Variants in DTNBP1 observed in about 807,000 individuals in gnomAD.
The protein encoded by DTNBP1 is dystrobrevin binding protein 1.
A neutral mutation model predicts 42.8 loss-of-function variants in DTNBP1; 35 were observed. That is an observed-to-expected ratio of 0.82 (90% CI 0.63 to 1.09). DTNBP1 has a LOEUF of 1.09. Among genes scored for constraint, DTNBP1 ranks in the 50% least tolerant of loss-of-function variants. The pLI, the probability that DTNBP1 is intolerant of heterozygous loss-of-function variation, is 0.00. For synonymous variants in DTNBP1, 171 were observed against 162.2 expected, an observed-to-expected ratio of 1.05 and a Z score of -0.41; for missense variants, 457 against 424.2, an observed-to-expected ratio of 1.08 and a Z score of -0.68.
At chr6:15,579,802 C>T (rs1220727884) in intron 7 of DTNBP1, 1 of 452,208 alleles carries the variant, frequency 2.2e-6, no homozygotes, top group Non-Finnish European at 4.4e-6. Flanking sequence ...AGTGAGACTC[C>T]CTCTCAAAAA....
chr6:15,569,610 C>T (rs1434461338), intron 7 of DTNBP1, among the ~76,000 whole-genome samples: 1 of 152,094 alleles, frequency 6.6e-6, no homozygotes, highest in East Asian at 1.9e-4. Flanking sequence ...AGTGACATGC[C>T]AGGCCTTAAG....
At chr6:15,630,957 G>C (rs536456329) in intron 4 of DTNBP1, among the ~76,000 whole-genome samples, 7 of 152,108 alleles carry the variant, frequency 4.6e-5, no homozygotes, top group Non-Finnish European at 1.0e-4. Context: ...AGTTACCTTT[G>C]ATCACAGTTG....
intron 6 of DTNBP1, among the ~76,000 whole-genome samples, chr6:15,606,942 G>A (rs769629307): frequency 5.9e-5 from 9 of 151,696 alleles, no homozygotes; most frequent in Non-Finnish European, 8.8e-5. Context: ...GTCACAGAAT[G>A]TTAATATGTG....
At chr6:15,638,838 C>CTT (rs34034677) in intron 3 of DTNBP1, among the ~76,000 whole-genome samples, 1 of 138,644 alleles carries the variant, frequency 7.2e-6, no homozygotes, top group Non-Finnish European at 1.6e-5. Flanking sequence ...TTGGCCAGTA[C>CTT]TTTTTTTTTT....
chr6:15,552,800 A>G (rs2113424588), intron 7 of DTNBP1, among the ~76,000 whole-genome samples: 1 of 152,368 alleles, frequency 6.6e-6, no homozygotes, highest in East Asian at 1.9e-4. Flanking sequence ...GATATTCCTT[A>G]GGATGAAGAT....
chr6:15,544,117 G>T (rs2113370251), intron 7 of DTNBP1, among the ~76,000 whole-genome samples: 1 of 152,200 alleles, frequency 6.6e-6, no homozygotes, highest in Non-Finnish European at 1.5e-5. Flanking sequence ...CACTCAGCTG[G>T]ACTCCAAATC....
chr6:15,574,687 T>G (rs1369340897), intron 7 of DTNBP1, among the ~76,000 whole-genome samples: 1 of 152,178 alleles, frequency 6.6e-6, no homozygotes, highest in Non-Finnish European at 1.5e-5. Flanking sequence ...AAAAAACTTT[T>G]GTGGGGGAGG....
chr6:15,633,296 T>C (rs2113756717), intron 4 of DTNBP1, among the ~76,000 whole-genome samples: 1 of 152,336 alleles, frequency 6.6e-6, no homozygotes, highest in African/African-American at 2.4e-5. Flanking sequence ...ATAGCTGCCA[T>C]AGATAGAAGT....
chr6:15,561,031 G>T (rs567680759), intron 7 of DTNBP1, among the ~76,000 whole-genome samples: 1 of 152,180 alleles, frequency 6.6e-6, no homozygotes, highest in Non-Finnish European at 1.5e-5. Context: ...AAAAATGGGA[G>T]ACTGGAGAGA....
At chr6:15,570,228 C>T (rs549771710) in intron 7 of DTNBP1, among the ~76,000 whole-genome samples, 7 of 151,874 alleles carry the variant, frequency 4.6e-5, no homozygotes, top group Non-Finnish European at 1.0e-4. Context: ...CCCAACACTC[C>T]CAAGAGGACT....
chr6:15,613,429 C>T (rs1395971276), intron 6 of DTNBP1, among the ~76,000 whole-genome samples: 2 of 124,426 alleles, frequency 1.6e-5, no homozygotes, highest in East Asian at 5.6e-4. Context: ...TGCAGTGGCG[C>T]GATCTCGGCT....
At chr6:15,647,435 TATA>T (rs1189133565) in intron 3 of DTNBP1, among the ~76,000 whole-genome samples, 1 of 151,446 alleles carries the variant, frequency 6.6e-6, no homozygotes, top group Non-Finnish European at 1.5e-5. Context: ...AGATTAAAAG[TATA>T]ATAACTGAAA....
chr6:15,593,014 A>T, intron 7 of DTNBP1, 45 bp downstream of exon 7: 1 of 1,553,332 alleles, frequency 6.4e-7, no homozygotes, highest in East Asian at 2.3e-5. Flanking sequence ...TCTGATACCA[A>T]TGAACTCTCA....
chr6:15,662,942 C>T lies in DTNBP1; in HGVS notation c.-73G>A. ...CTCTGTCGCCCCCTGGGTCCCACGC[C>T]GCCAACCCCGCGCTGTCACCGCGCG... On this transcript the variant is annotated 5_prime_UTR_variant, in exon 1 of 10. Coordinates refer to ENST00000344537, the MANE Select transcript of DTNBP1 (RefSeq NM_032122.5). 6.3e-7 allele frequency: 1 copy of T among 1,588,650 alleles called. No homozygotes were observed. Among genetic ancestry groups the T allele is most frequent in the Non-Finnish European group, 8.5e-7 (1 of 1,171,544 alleles).
intron 7 of DTNBP1, among the ~76,000 whole-genome samples, chr6:15,553,828 T>G (rs1389067940): frequency 1.3e-5 from 2 of 152,104 alleles, no homozygotes; most frequent in East Asian, 3.9e-4. Context: ...TATTTGAAGC[T>G]GAAAGAATCT....
In DTNBP1 at chr6:15,533,316, C is replaced by T; in HGVS notation, c.591G>A (p.Lys197=). The change falls in exon 8 of 10, where the codon AAG becomes AAA. Residue 197 remains lysine, a synonymous_variant. Transcript: ENST00000344537. ...CCTGCTGGAAGGCTTCCTCAAAAAA[C>T]TTCTGCCGCTCCTTCAGCTTCATTT... is the stretch of plus-strand genomic sequence containing the variant. ...TQQMKLKERQ[K]FFEEAFQQDM... The T allele has an allele frequency of 6.2e-7, 1 of 1,614,244 alleles. No homozygotes were observed. The highest frequency in any genetic ancestry group is 8.5e-7 in the Non-Finnish European group (1 of 1,180,054).
At chr6:15,554,860 C>T (rs1483918802) in intron 7 of DTNBP1, among the ~76,000 whole-genome samples, 1 of 151,990 alleles carries the variant, frequency 6.6e-6, no homozygotes, top group Non-Finnish European at 1.5e-5. Flanking sequence ...TAGACTGGCC[C>T]GAACCATTCC....
chr6:15,551,185 A>G (rs935876309), intron 7 of DTNBP1, among the ~76,000 whole-genome samples: 1 of 152,116 alleles, frequency 6.6e-6, no homozygotes, highest in African/African-American at 2.4e-5. Flanking sequence ...GCTGGGAGAC[A>G]GGACACCCCT....
intron 5 of DTNBP1, among the ~76,000 whole-genome samples, chr6:15,624,355 C>A (rs2743871): frequency 0.15 from 23,410 of 152,094 alleles, 2,681 homozygotes; most frequent in African/African-American, 0.32. Flanking sequence ...AAACGACAAA[C>A]CTTACCAGTA....
Sources: allele counts gnomAD v4.1 joint callset (sites outside exome capture counted in the v4.1 genomes callset), GRCh38; gene constraint gnomAD v4.1.1; transcripts MANE v1.5; gene names NCBI Gene and HGNC (gene_info 2026-07-23, HGNC 2026-07-21).